Variants in MLXIPL observed in about 807,000 individuals in gnomAD.
MLXIPL encodes MLX interacting protein like, also known as carbohydrate-responsive element-binding protein.
In MLXIPL, 49 loss-of-function variants were observed where a neutral mutation model predicts 81.5. That is an observed-to-expected ratio of 0.60 (90% CI 0.48 to 0.76). The LOEUF (loss-of-function observed/expected upper bound fraction) is 0.76. MLXIPL is among the 30% of genes least tolerant of loss of function. MLXIPL has a pLI of 0.00. For missense variants in MLXIPL, 1,053 were observed against 1,167.0 expected (o/e 0.90, Z 1.42); for synonymous variants, 466 against 485.5 (o/e 0.96, Z 0.53).
rs782244196 is a variant in MLXIPL at position 73,624,223 on chromosome 7, G to A, written c.270C>T (p.Phe90=). Residue 90 remains phenylalanine (F), a synonymous_variant, in exon 1 of 17, where the codon TTC becomes TTT. Transcript: ENST00000313375. ...RSIDPTLTRL[F]ECLSLAYSGK... ...ACCTGTAGGCCAGGCTCAAGCACTC[G>A]AAGAGGCGTGTGAGTGTGGGGTCGA... is the stretch of plus-strand genomic sequence containing the variant. 1.3e-6 allele frequency: 2 copies of A among 1,585,380 alleles called. No individual in the cohort carries two copies. Among genetic ancestry groups the A allele is most frequent in the African/African-American group, 1.4e-5 (1 of 73,504 alleles).
chr7:73,624,510 C>T lies in MLXIPL; in HGVS notation c.-18G>A, dbSNP rs1554603215. ...CCGGCCATGGCTGTCGCCGCCGCAACCGCCTGGTCCCTGCTCCGCGCAGCG... is the reference window on the plus strand; with the variant it reads ...CCGGCCATGGCTGTCGCCGCCGCAATCGCCTGGTCCCTGCTCCGCGCAGCG... On this transcript the variant is annotated 5_prime_UTR_variant, in exon 1 of 17. Transcript: ENST00000313375. 6 of 1,522,908 alleles carry T rather than the reference C, an allele frequency of 3.9e-6. No homozygotes were observed. The Admixed American group carries it at 1.2e-4, about 31-fold the overall frequency. The allele number at this position is 1,522,908 out of a possible 1,614,324, so 94.3% of individuals were successfully genotyped here.
At chr7:73,619,049 G>A (rs1389149291) in intron 1 of MLXIPL, among the ~76,000 whole-genome samples, 3 of 152,118 alleles carry the variant, frequency 2.0e-5, no homozygotes, top group Non-Finnish European at 4.4e-5. Context: ...ATGACTGGCT[G>A]GGGATGGCTC....
intron 2 of MLXIPL, 25 bp from the exon 3 acceptor site, chr7:73,607,697 G>A (rs781901366): frequency 1.2e-6 from 2 of 1,607,682 alleles, no homozygotes; most frequent in Non-Finnish European, 1.7e-6. Context: ...CCAGGTCAGG[G>A]GCACCCAGCT....
At chr7:73,613,066 G>A (rs1250468230) in intron 2 of MLXIPL, among the ~76,000 whole-genome samples, 1 of 152,182 alleles carries the variant, frequency 6.6e-6, no homozygotes, top group African/African-American at 2.4e-5. Flanking sequence ...AAGAATCTTA[G>A]AGGATAGGAG....
intron 15 of MLXIPL, among the ~76,000 whole-genome samples, chr7:73,595,002 C>T (rs1390847933): frequency 1.3e-5 from 2 of 152,076 alleles, no homozygotes; most frequent in Non-Finnish European, 2.9e-5. Context: ...CATGCCACCA[C>T]GCTTGGCTAA....
At chr7:73,597,744 A>C (rs1266592875) in intron 8 of MLXIPL, 31 bp from the exon 9 acceptor site, 1 of 1,323,130 alleles carries the variant, frequency 7.6e-7, no homozygotes, top group East Asian at 2.8e-5. Context: ...ACACTCAGAG[A>C]GCAGGGGAGA....
At chr7:73,599,192 C>G in intron 8 of MLXIPL, among the ~76,000 whole-genome samples, 1 of 151,794 alleles carries the variant, frequency 6.6e-6, no homozygotes, top group Non-Finnish European at 1.5e-5. Context: ...GTTCTCCCAT[C>G]TGGCTTGAGG....
At chr7:73,637,690 G>A in the MLXIPL span, among the ~76,000 whole-genome samples, 1 of 152,098 alleles carries the variant, frequency 6.6e-6, no homozygotes, top group Non-Finnish European at 1.5e-5. Flanking sequence ...GCAGGGCTGA[G>A]ATTTGAACCC....
chr7:73,647,140 G>C, the MLXIPL span, among the ~76,000 whole-genome samples: 3 of 152,278 alleles, frequency 2.0e-5, no homozygotes, highest in South Asian at 6.2e-4. Flanking sequence ...GCCCAGAGGT[G>C]GGGGCAGGGT....
At chr7:73,642,323 G>A in the MLXIPL span, among the ~76,000 whole-genome samples, 1 of 151,758 alleles carries the variant, frequency 6.6e-6, no homozygotes, top group Non-Finnish European at 1.5e-5. Context: ...CAACATTTAG[G>A]GGTTTTTAAT....
chr7:73,631,266 C>A, the MLXIPL span, among the ~76,000 whole-genome samples: 1 of 151,870 alleles, frequency 6.6e-6, no homozygotes, highest in Non-Finnish European at 1.5e-5. Flanking sequence ...TGCCTCGGCT[C>A]GGCCTCCCAA....
At chr7:73,637,205 CAGTGG>C in the MLXIPL span, among the ~76,000 whole-genome samples, 1 of 151,964 alleles carries the variant, frequency 6.6e-6, no homozygotes, top group African/African-American at 2.4e-5. Flanking sequence ...GGGCCTTGTG[CAGTGG>C]CTCATGCCTG....
Position 73,602,086 on chromosome 7 carries a change from G to T in MLXIPL, c.902-2391C>A, listed in dbSNP as rs112178699. 7.0e-3 allele frequency among the ~76,000 whole-genome samples: 994 copies of T among 142,786 alleles called. 16 individuals are homozygous for T. Among genetic ancestry groups the T allele is most frequent in the African/African-American group, 0.025 (941 of 37,904 alleles). 93.7% of individuals were successfully genotyped at this position (142,786 alleles called of 152,430 possible). ...TTGCTGTCCACCTGCCTGCCTGCCTGCCTGCCTGCCTTCCTGCCTGCCTGC... is the reference window on the plus strand; with the variant it reads ...TTGCTGTCCACCTGCCTGCCTGCCTTCCTGCCTGCCTTCCTGCCTGCCTGC... On this transcript the variant is annotated intron_variant, in intron 7 of 16. Coordinates refer to ENST00000313375, the MANE Select transcript of MLXIPL (RefSeq NM_032951.3).
chr7:73,621,029 A>C (rs1796313470), intron 1 of MLXIPL, among the ~76,000 whole-genome samples: 1 of 151,300 alleles, frequency 6.6e-6, no homozygotes, highest in African/African-American at 2.4e-5. Context: ...CAGCCTGGGC[A>C]ACAGAGTGAG....
At chr7:73,613,870 C>T (rs1795846016) in intron 2 of MLXIPL, among the ~76,000 whole-genome samples, 1 of 152,172 alleles carries the variant, frequency 6.6e-6, no homozygotes, top group African/African-American at 2.4e-5. Context: ...GGTGTGGTGG[C>T]TCACGCCTAT....
chr7:73,619,572 T>C (rs1293332005), intron 1 of MLXIPL, among the ~76,000 whole-genome samples: 2 of 151,148 alleles, frequency 1.3e-5, no homozygotes, highest in African/African-American at 4.9e-5. Context: ...AAGGCTGAAG[T>C]GAGCTGTGAT....
At chr7:73,602,322 T>C (rs1472729879) in intron 7 of MLXIPL, among the ~76,000 whole-genome samples, 3 of 150,154 alleles carry the variant, frequency 2.0e-5, no homozygotes, top group Non-Finnish European at 4.4e-5. Context: ...ACAATTCTCC[T>C]TGCCTCAGCC....
Position 73,617,703 on chromosome 7 carries a change from G to A in MLXIPL, c.294-1526C>T, listed in dbSNP as rs557954827. 1.4e-4 allele frequency among the ~76,000 whole-genome samples: 22 copies of A among 152,212 alleles called. No homozygotes were observed. In the South Asian group the frequency reaches 4.1e-3, roughly 29 times the overall value. On this transcript the variant is annotated intron_variant, in intron 1 of 16. Coordinates refer to ENST00000313375, the MANE Select transcript of MLXIPL (RefSeq NM_032951.3). ...CTACAAAATAATTTTAAAATTAGCC[G>A]GGTGTGGTGGCATGCACCTATAGTC...
At chr7:73,594,446 C>G in intron 15 of MLXIPL, 43 bp from the exon 16 acceptor site, 1 of 1,598,854 alleles carries the variant, frequency 6.3e-7, no homozygotes. Flanking sequence ...AGCTGGTCCC[C>G]CCACACCACG....
Sources: allele counts gnomAD v4.1 joint callset (sites outside exome capture counted in the v4.1 genomes callset), GRCh38; gene constraint gnomAD v4.1.1; transcripts MANE v1.5; gene names NCBI Gene and HGNC (gene_info 2026-07-23, HGNC 2026-07-21).